The following NHSL1 variants were observed in gnomAD, a reference collection of about 807,000 sequenced individuals.
NHSL1 encodes the protein NHS like 1.
NHSL1 carries 48 observed loss-of-function variants against 95.0 expected under a neutral mutation model. The ratio of observed to expected loss-of-function variants is 0.51; its 90% CI spans 0.40 to 0.64. The LOEUF is 0.64. Ranked by LOEUF, NHSL1 falls within the 30% of genes least tolerant of loss-of-function variation. The pLI is 0.00. For missense variants in NHSL1, 1,971 were observed against 2,077.7 expected (o/e 0.95, Z 1.00); for synonymous variants, 783 against 833.9 (o/e 0.94, Z 1.05).
In NHSL1 at chr6:138,431,546, AG is replaced by A; in HGVS notation, c.2798del (p.Pro933LeufsTer65). On this transcript the variant is annotated frameshift_variant, in exon 6 of 8. Transcript: ENST00000343505. LOFTEE classifies it high-confidence loss of function. The surrounding 1 kb of genome is among the most constrained non-coding windows in gnomAD (Gnocchi z 4.0). Reference protein sequence around the residue: ...AVGSPPAPPPPPVPSPPFPCP... With the variant: ...AVGSPPAPPPXPVPSPPFPCP... Reference sequence around the variant, plus strand: ...AAGGGAATGGAGGAGAGGGAACAGGAGGAGGAGGAGGAGCCGGGGGAGAGCC... The same window carrying A: ...AAGGGAATGGAGGAGAGGGAACAGGAGAGGAGGAGGAGCCGGGGGAGAGCC... 6.4e-7 allele frequency: 1 copy of A among 1,550,638 alleles called. No individual in the cohort carries two copies. The highest frequency in any genetic ancestry group is 8.7e-7 in the Non-Finnish European group (1 of 1,146,378).
intron 1 of NHSL1, among the ~76,000 whole-genome samples, chr6:138,579,035 A>G (rs1562381368): frequency 6.6e-6 from 1 of 152,272 alleles, no homozygotes; most frequent in East Asian, 1.9e-4. Flanking sequence ...GCAGCATGAG[A>G]TTCTCATAAG....
chr6:138,499,232 C>G lies in NHSL1; in HGVS notation c.58+1G>C. ...TAGTAGAGAGAAAAGGAACTACTTACTTTTCTTCTTAAAAAGTTTAATTAA... is the reference window on the plus strand; with the variant it reads ...TAGTAGAGAGAAAAGGAACTACTTAGTTTTCTTCTTAAAAAGTTTAATTAA... On this transcript the variant is annotated splice_donor_variant, in intron 1 of 7. Transcript: ENST00000343505. LOFTEE classifies it high-confidence loss of function. 2.6e-6 allele frequency: 4 copies of G among 1,541,808 alleles called. No homozygotes were observed. The highest frequency in any genetic ancestry group is 3.5e-6 in the Non-Finnish European group (4 of 1,138,498).
chr6:138,559,522 C>T (rs1562370482), intron 1 of NHSL1, among the ~76,000 whole-genome samples: 1 of 152,100 alleles, frequency 6.6e-6, no homozygotes, highest in Non-Finnish European at 1.5e-5. Context: ...GGTTTTGGAC[C>T]AGATGGTTTT....
At chr6:138,550,067 C>G (rs558004240), upstream of NHSL1, among the ~76,000 whole-genome samples, 3 of 152,090 alleles carry the variant, frequency 2.0e-5, no homozygotes, top group East Asian at 5.8e-4. Context: ...TGGCGAAACC[C>G]CATCTCTACT....
chr6:138,580,606 AG>A (rs1185694425), intron 1 of NHSL1, among the ~76,000 whole-genome samples: 1 of 152,196 alleles, frequency 6.6e-6, no homozygotes, highest in Non-Finnish European at 1.5e-5. Flanking sequence ...TTTAACAACC[AG>A]CCTGCTAAAA....
chr6:138,592,640 A>AAC (rs1438801621), intron 1 of NHSL1, among the ~76,000 whole-genome samples: 4 of 134,576 alleles, frequency 3.0e-5, no homozygotes, highest in African/African-American at 1.2e-4. Flanking sequence ...AAACAACAAC[A>AAC]AAAAAAACCC....
At position 138,692,324 on chromosome 6, in the gene NHSL1, C is replaced by T. The variant is rs1785689601; in HGVS notation, c.96+152G>A. 5.4e-6 allele frequency: 2 copies of T among 372,632 alleles called. No homozygotes were observed. Among genetic ancestry groups the T allele is most frequent in the South Asian group, 4.0e-5 (2 of 50,612 alleles). 23.1% of individuals were successfully genotyped at this position (372,632 alleles called of 1,614,324 possible). ...TGCGCCCCTGCCACCTGCCCAGCCTCCCGCTGGGGTCCGGCAGTCCCCACT... is the reference window on the plus strand; with the variant it reads ...TGCGCCCCTGCCACCTGCCCAGCCTTCCGCTGGGGTCCGGCAGTCCCCACT... On this transcript the variant is annotated intron_variant, in intron 1 of 3. Coordinates refer to the NHSL1 transcript ENST00000491526. The surrounding 1 kb of genome is among the most constrained non-coding windows in gnomAD (Gnocchi z 4.0).
At chr6:138,661,303 G>A (rs1478967755) in intron 1 of NHSL1, among the ~76,000 whole-genome samples, 2 of 151,954 alleles carry the variant, frequency 1.3e-5, no homozygotes, top group African/African-American at 4.8e-5. Context: ...CCAGCCCCTG[G>A]TAACACCACT....
intron 4 of NHSL1, among the ~76,000 whole-genome samples, chr6:138,446,586 CATT>C (rs1363781883): frequency 1.3e-5 from 2 of 152,098 alleles, no homozygotes; most frequent in African/African-American, 2.4e-5. Flanking sequence ...GAAAATCTAT[CATT>C]AGAAACATCA....
At chr6:138,613,505 T>C (rs183116732) in intron 1 of NHSL1, among the ~76,000 whole-genome samples, 1 of 152,134 alleles carries the variant, frequency 6.6e-6, no homozygotes, top group African/African-American at 2.4e-5. Context: ...CCAGTAAAAC[T>C]GAGGGAGTAT....
chr6:138,468,989 AAAGG>A (rs1446966736), intron 3 of NHSL1, among the ~76,000 whole-genome samples: 5 of 152,196 alleles, frequency 3.3e-5, no homozygotes, highest in African/African-American at 1.2e-4. Flanking sequence ...CTTATTTTGC[AAAGG>A]AATTATAATT....
intron 1 of NHSL1, among the ~76,000 whole-genome samples, chr6:138,660,652 G>GA (rs372767150): frequency 0.045 from 6,538 of 146,342 alleles, 200 homozygotes; most frequent in South Asian, 0.075. Flanking sequence ...AAAAAAAAAA[G>GA]AAAAAAAAAA....
chr6:138,504,478 C>T (rs1403392828), upstream of NHSL1, among the ~76,000 whole-genome samples: 1 of 152,200 alleles, frequency 6.6e-6, no homozygotes, highest in Non-Finnish European at 1.5e-5. Context: ...GGACCACCTG[C>T]TATTAGAGTA....
chr6:138,584,440 C>T (rs545683741), intron 1 of NHSL1, among the ~76,000 whole-genome samples: 6 of 152,260 alleles, frequency 3.9e-5, no homozygotes, highest in South Asian at 2.1e-4. Context: ...GCCATGTGCA[C>T]GGCCAACTCT....
At chr6:138,447,644 G>A (rs1053590678) in intron 3 of NHSL1, among the ~76,000 whole-genome samples, 1 of 152,124 alleles carries the variant, frequency 6.6e-6, no homozygotes, top group African/African-American at 2.4e-5. Context: ...GTGGTGGTGG[G>A]CACCTGTAAT....
rs75644868 is a variant in NHSL1 at position 138,621,157 on chromosome 6, G to A, written c.96+71319C>T. Among the ~76,000 whole-genome samples, 8 of 152,258 alleles carry A rather than the reference G, an allele frequency of 5.3e-5. No homozygotes were observed. The East Asian group carries it at 1.3e-3, about 26-fold the overall frequency. ...AACATTAGTTGAGAAACCTGAAGAC[G>A]GAATCCTGAATAAAGAGATTGCTGA... On this transcript the variant is annotated intron_variant, in intron 1 of 3. Transcript: ENST00000491526.
intron 1 of NHSL1, among the ~76,000 whole-genome samples, chr6:138,544,983 CTTTTTTTTTT>C (rs35979187): frequency 5.2e-4 from 43 of 83,396 alleles, no homozygotes; most frequent in African/African-American, 1.4e-3. Context: ...TCTTTCTTTT[CTTTTTTTTTT>C]TTTTTTTTTT....
chr6:138,452,254 G>C (rs774353094), intron 3 of NHSL1, among the ~76,000 whole-genome samples: 1 of 152,144 alleles, frequency 6.6e-6, no homozygotes, highest in Admixed American at 6.5e-5. Flanking sequence ...GTAAATTTTG[G>C]ATGCTGGAAG....
chr6:138,570,604 GAAC>G (rs1783803663), intron 1 of NHSL1, among the ~76,000 whole-genome samples: 1 of 152,156 alleles, frequency 6.6e-6, no homozygotes. Context: ...TAACAGACAA[GAAC>G]AAATAGTTTA....
Sources: allele counts gnomAD v4.1 joint callset (sites outside exome capture counted in the v4.1 genomes callset), GRCh38; gene constraint gnomAD v4.1.1; non-coding constraint Gnocchi (gnomAD v3.1); transcripts MANE v1.5; gene names NCBI Gene and HGNC (gene_info 2026-07-23, HGNC 2026-07-21).